The following CLYBL variants were observed in gnomAD, a reference collection of about 807,000 sequenced individuals.
The protein encoded by CLYBL is citramalyl-CoA lyase, mitochondrial.
CLYBL carries 31 observed loss-of-function variants against 38.9 expected under a neutral mutation model. The observed-to-expected ratio is 0.80, with a 90% CI of 0.60 to 1.08. CLYBL has a LOEUF of 1.08. Among genes scored for constraint, CLYBL ranks in the 50% least tolerant of loss-of-function variants. The probability of loss-of-function intolerance (pLI) is 0.00; values close to 1 mark genes in which losing one functional copy is unlikely to be tolerated. For missense variants in CLYBL, 434 were observed against 411.6 expected (o/e 1.05, Z -0.47); for synonymous variants, 171 against 158.6 (o/e 1.08, Z -0.59).
At chr13:99,878,618 G>A (rs543222587) in intron 7 of CLYBL, among the ~76,000 whole-genome samples, 1 of 152,214 alleles carries the variant, frequency 6.6e-6, no homozygotes, top group South Asian at 2.1e-4. Context: ...ACGTACAATG[G>A]GTGGATTTTA....
intron 2 of CLYBL, among the ~76,000 whole-genome samples, chr13:99,824,666 C>T (rs1220975695): frequency 6.6e-6 from 1 of 152,090 alleles, no homozygotes; most frequent in Non-Finnish European, 1.5e-5. Flanking sequence ...CTTTTCTTTT[C>T]CTCTTTATCT....
At chr13:99,785,832 G>A (rs372678073) in intron 2 of CLYBL, among the ~76,000 whole-genome samples, 10 of 151,940 alleles carry the variant, frequency 6.6e-5, no homozygotes, top group East Asian at 3.9e-4. Context: ...TCCTGACCTC[G>A]TGATCTACCC....
At chr13:99,698,637 A>G (rs1444337382) in intron 1 of CLYBL, among the ~76,000 whole-genome samples, 1 of 152,176 alleles carries the variant, frequency 6.6e-6, no homozygotes, top group African/African-American at 2.4e-5. Flanking sequence ...ATTTTTTGCT[A>G]ACATTTTAAT....
chr13:99,779,360 C>T (rs1398539607), intron 2 of CLYBL, among the ~76,000 whole-genome samples: 2 of 152,064 alleles, frequency 1.3e-5, no homozygotes, highest in African/African-American at 4.8e-5. Flanking sequence ...CCAGGCTGGT[C>T]TCAAACTCCT....
chr13:99,653,618 T>C (rs770924813), intron 1 of CLYBL, among the ~76,000 whole-genome samples: 5 of 152,242 alleles, frequency 3.3e-5, no homozygotes, highest in Admixed American at 6.5e-5. Context: ...CATGAGAAGC[T>C]ACTGGGACTT....
At chr13:99,753,828 C>G (rs1036541000) in intron 1 of CLYBL, among the ~76,000 whole-genome samples, 3 of 152,060 alleles carry the variant, frequency 2.0e-5, no homozygotes, top group Admixed American at 6.6e-5. Context: ...GTGGCTCATG[C>G]CTGTAATCCC....
intron 2 of CLYBL, among the ~76,000 whole-genome samples, chr13:99,816,544 A>C (rs556097421): frequency 6.6e-6 from 1 of 152,204 alleles, no homozygotes; most frequent in Non-Finnish European, 1.5e-5. Context: ...TGAAACCTCA[A>C]TGTGATGGTA....
chr13:99,623,073 T>C (rs571485800), intron 1 of CLYBL, among the ~76,000 whole-genome samples: 4 of 152,384 alleles, frequency 2.6e-5, no homozygotes, highest in African/African-American at 9.6e-5. Context: ...CTAGTGCTGC[T>C]ATGAACATTC....
downstream of CLYBL, among the ~76,000 whole-genome samples, chr13:99,900,235 T>A (rs2052626316): frequency 6.6e-6 from 1 of 152,166 alleles, no homozygotes; most frequent in Non-Finnish European, 1.5e-5. Flanking sequence ...CCTTCATATT[T>A]ACTTTCATTA....
At chr13:99,831,484 C>A (rs572298684) in intron 2 of CLYBL, among the ~76,000 whole-genome samples, 49 of 152,046 alleles carry the variant, frequency 3.2e-4, no homozygotes, top group African/African-American at 1.1e-3. Context: ...TTGATAGGTG[C>A]GGCAAACCAC....
chr13:99,882,136 T>G (rs1194321882), intron 7 of CLYBL, among the ~76,000 whole-genome samples: 1 of 152,158 alleles, frequency 6.6e-6, no homozygotes, highest in Middle Eastern at 3.2e-3. Flanking sequence ...AAAATAAATA[T>G]GTAGCTGTAT....
At chr13:99,753,079 G>A (rs1487310904) in intron 1 of CLYBL, among the ~76,000 whole-genome samples, 1 of 152,106 alleles carries the variant, frequency 6.6e-6, no homozygotes, top group African/African-American at 2.4e-5. Context: ...TGGCAGACAT[G>A]CTGAGATCCA....
At chr13:99,755,267 G>C (rs2049042128) in intron 1 of CLYBL, among the ~76,000 whole-genome samples, 1 of 152,178 alleles carries the variant, frequency 6.6e-6, no homozygotes, top group Middle Eastern at 3.2e-3. Flanking sequence ...GCCACAGGGG[G>C]CCCAGGAGGA....
intron 2 of CLYBL, among the ~76,000 whole-genome samples, chr13:99,775,051 T>TGG (rs1318337960): frequency 6.6e-6 from 1 of 152,202 alleles, no homozygotes; most frequent in African/African-American, 2.4e-5. Flanking sequence ...ATAAAGTACC[T>TGG]GGGAGTAGCT....
chr13:99,735,177 TTTG>T (rs961082942), intron 1 of CLYBL, among the ~76,000 whole-genome samples: 1 of 152,138 alleles, frequency 6.6e-6, no homozygotes, highest in South Asian at 2.1e-4. Context: ...GTTTTAGCTT[TTTG>T]TTGTTGTTGT....
chr13:99,749,149 C>A (rs1308643049), intron 1 of CLYBL, among the ~76,000 whole-genome samples: 1 of 150,760 alleles, frequency 6.6e-6, no homozygotes, highest in African/African-American at 2.4e-5. Context: ...CACTGCACTG[C>A]AGCCTGGGCG....
chr13:99,835,332 C>T (rs1375190758), intron 2 of CLYBL, among the ~76,000 whole-genome samples: 1 of 152,204 alleles, frequency 6.6e-6, no homozygotes, highest in Non-Finnish European at 1.5e-5. Context: ...TGCTCCTCCT[C>T]CATGTTCATT....
intron 2 of CLYBL, among the ~76,000 whole-genome samples, chr13:99,813,149 A>C (rs1316706483): frequency 6.6e-6 from 1 of 152,212 alleles, no homozygotes; most frequent in Non-Finnish European, 1.5e-5. Context: ...CAGGAAAAAA[A>C]AATGAAATGA....
At chr13:99,708,027 A>C (rs1415009894) in intron 1 of CLYBL, among the ~76,000 whole-genome samples, 1 of 152,188 alleles carries the variant, frequency 6.6e-6, no homozygotes, top group Non-Finnish European at 1.5e-5. Flanking sequence ...TCTGTCACCC[A>C]GGCTGGATTG....
Sources: allele counts gnomAD v4.1 joint callset (sites outside exome capture counted in the v4.1 genomes callset), GRCh38; gene constraint gnomAD v4.1.1; transcripts MANE v1.5; gene names NCBI Gene and HGNC (gene_info 2026-07-23, HGNC 2026-07-21).